The following DIAPH3 variants were observed in gnomAD, a reference collection of about 807,000 sequenced individuals.
DIAPH3 encodes diaphanous related formin 3.
In DIAPH3, 117 loss-of-function variants were observed where a neutral mutation model predicts 144.3. The ratio of observed to expected loss-of-function variants is 0.81; its 90% CI spans 0.70 to 0.95. DIAPH3 has a LOEUF of 0.95. Ranked by LOEUF, DIAPH3 falls within the 40% of genes least tolerant of loss-of-function variation. DIAPH3 has a pLI of 0.00. For synonymous variants in DIAPH3, 519 were observed against 488.9 expected, an observed-to-expected ratio of 1.06 and a Z score of -0.81; for missense variants, 1,421 against 1,412.7, an observed-to-expected ratio of 1.01 and a Z score of -0.09.
At position 60,152,540 on chromosome 13, in the gene DIAPH3, A is replaced by T. The variant is rs1594791367; in HGVS notation, c.180+11047T>A. Among the ~76,000 whole-genome samples, 3 of 151,384 alleles carry T rather than the reference A, an allele frequency of 2.0e-5. No homozygotes were observed. The South Asian group carries it at 6.2e-4, about 31-fold the overall frequency. On this transcript the variant is annotated intron_variant, in intron 1 of 27. Transcript: ENST00000400324. ...CCCTAAAAAAATCAAAATTGAATTT[A>T]AAAAAATCAAAATTGAATTAAAAAA...
intron 1 of DIAPH3, among the ~76,000 whole-genome samples, chr13:60,134,383 C>A (rs1165640267): frequency 6.6e-6 from 1 of 152,128 alleles, no homozygotes; most frequent in Non-Finnish European, 1.5e-5. Flanking sequence ...GCACGGTGGT[C>A]CTTAAAAGTG....
At chr13:60,143,661 T>C (rs1049692621) in intron 1 of DIAPH3, among the ~76,000 whole-genome samples, 1 of 152,214 alleles carries the variant, frequency 6.6e-6, no homozygotes, top group Non-Finnish European at 1.5e-5. Context: ...CCATTTTAAA[T>C]GTGTACTGCC....
intron 4 of DIAPH3, among the ~76,000 whole-genome samples, chr13:60,053,583 T>A (rs2056442207): frequency 6.6e-6 from 1 of 152,112 alleles, no homozygotes; most frequent in Non-Finnish European, 1.5e-5. Flanking sequence ...TAGGTAACTA[T>A]TACAGGTAAT....
At chr13:60,064,045 C>A (rs1193433593) in intron 4 of DIAPH3, among the ~76,000 whole-genome samples, 1 of 152,132 alleles carries the variant, frequency 6.6e-6, no homozygotes, top group East Asian at 1.9e-4. Context: ...AATAGTAGGT[C>A]TCAACAAGCG....
chr13:59,897,001 C>T (rs966612356), intron 20 of DIAPH3, among the ~76,000 whole-genome samples: 2 of 152,078 alleles, frequency 1.3e-5, no homozygotes, highest in Admixed American at 6.5e-5. Flanking sequence ...ATTGTGTCTA[C>T]TTGAAAGCCA....
intron 27 of DIAPH3, among the ~76,000 whole-genome samples, chr13:59,694,739 T>TA (rs1376237281): frequency 6.6e-6 from 1 of 152,146 alleles, no homozygotes; most frequent in Non-Finnish European, 1.5e-5. Flanking sequence ...AAAAAAAAGT[T>TA]ACAGTTGTAG....
At chr13:59,709,174 T>C (rs1285907592) in intron 27 of DIAPH3, among the ~76,000 whole-genome samples, 8 of 152,350 alleles carry the variant, frequency 5.3e-5, no homozygotes, top group African/African-American at 1.7e-4. Context: ...GGTGAGCCTG[T>C]AATTTTATAG....
chr13:59,929,552 TTC>T (rs1406298098), intron 17 of DIAPH3, among the ~76,000 whole-genome samples: 6 of 143,340 alleles, frequency 4.2e-5, no homozygotes, highest in African/African-American at 1.3e-4. Context: ...CTAAATTTTG[TTC>T]TTTTTTTTTT....
At chr13:59,895,533 T>G (rs142634286) in intron 20 of DIAPH3, among the ~76,000 whole-genome samples, 2,484 of 148,682 alleles carry the variant, frequency 0.017, 38 homozygotes, top group Middle Eastern at 0.041. Context: ...TAATACAAAA[T>G]AAAAATATAA....
At chr13:59,827,172 A>G (rs1203662321) in intron 24 of DIAPH3, among the ~76,000 whole-genome samples, 1 of 152,078 alleles carries the variant, frequency 6.6e-6, no homozygotes, top group Non-Finnish European at 1.5e-5. Flanking sequence ...AAAAGCCAAA[A>G]TTGACAAATG....
intron 12 of DIAPH3, among the ~76,000 whole-genome samples, chr13:59,990,393 C>G (rs900194591): frequency 8.6e-5 from 13 of 151,540 alleles, no homozygotes; most frequent in African/African-American, 2.9e-4. Flanking sequence ...AAAAAAACAC[C>G]CAAAGTATAA....
chr13:59,810,944 G>T, intron 24 of DIAPH3, 21 bp from the exon 25 acceptor site: 1 of 1,590,094 alleles, frequency 6.3e-7, no homozygotes, highest in South Asian at 1.1e-5. Context: ...TTTGAAAAAT[G>T]ATCAATTTTA....
intron 4 of DIAPH3, among the ~76,000 whole-genome samples, chr13:60,086,037 GT>G (rs1383185907): frequency 6.6e-6 from 1 of 151,940 alleles, no homozygotes; most frequent in African/African-American, 2.4e-5. Context: ...GTAAATAGCA[GT>G]TTTTCCATAT....
At chr13:59,813,960 CATGT>C (rs2040631519) in intron 24 of DIAPH3, among the ~76,000 whole-genome samples, 1 of 151,672 alleles carries the variant, frequency 6.6e-6, no homozygotes, top group African/African-American at 2.4e-5. Context: ...CATGTATACT[CATGT>C]ATGTATCTAT....
At chr13:59,851,429 C>G (rs139278076) in intron 22 of DIAPH3, among the ~76,000 whole-genome samples, 111 of 152,246 alleles carry the variant, frequency 7.3e-4, no homozygotes, top group African/African-American at 2.6e-3. Flanking sequence ...TCTGACCACT[C>G]AATCTAAAAC....
chr13:60,068,761 T>A (rs889734539), intron 4 of DIAPH3, among the ~76,000 whole-genome samples: 1 of 152,188 alleles, frequency 6.6e-6, no homozygotes, highest in Non-Finnish European at 1.5e-5. Context: ...TGTTCCTGCA[T>A]CACTTTGCTT....
chr13:59,885,235 TAA>T (rs1566466282), intron 20 of DIAPH3, among the ~76,000 whole-genome samples: 1 of 152,054 alleles, frequency 6.6e-6, no homozygotes, highest in Non-Finnish European at 1.5e-5. Context: ...TCTTAACACA[TAA>T]GTTTCATATC....
intron 24 of DIAPH3, among the ~76,000 whole-genome samples, chr13:59,819,809 GAC>G (rs1291491463): frequency 6.6e-6 from 1 of 150,576 alleles, no homozygotes; most frequent in Non-Finnish European, 1.5e-5. Flanking sequence ...ATATTATAAA[GAC>G]AGTATAATAA....
chr13:59,855,800 G>A (rs998089223), intron 22 of DIAPH3, among the ~76,000 whole-genome samples: 2 of 151,446 alleles, frequency 1.3e-5, no homozygotes, highest in African/African-American at 4.8e-5. Flanking sequence ...AGATAACTCA[G>A]AGTGTTACTA....
Sources: gnomAD v4.1 joint callset for allele counts (sites outside exome capture counted in the v4.1 genomes callset) on GRCh38, gnomAD v4.1.1 for gene constraint, MANE v1.5 for transcripts, NCBI Gene and HGNC (gene_info 2026-07-23, HGNC 2026-07-21) for gene names.